SCAF1: variants seen among roughly 807,000 people sequenced by gnomAD.
SCAF1 encodes the protein splicing factor, arginine/serine-rich 19.
Under a neutral mutation model 91.2 loss-of-function variants are expected in SCAF1, and 28 were observed. That is an observed-to-expected ratio of 0.31 (90% CI 0.23 to 0.42). SCAF1 has a LOEUF of 0.42. Ranked by LOEUF, SCAF1 falls within the 10% of genes least tolerant of loss-of-function variation. SCAF1 has a pLI of 1.00. For missense variants in SCAF1, 1,893 were observed against 1,872.1 expected (o/e 1.01, Z -0.21); for synonymous variants, 1,036 against 833.7 (o/e 1.24, Z -4.18).
chr19:49,658,279 C>T lies in SCAF1; in HGVS notation c.3819C>T (p.Arg1273=), dbSNP rs773776916. Residue 1273 remains arginine, a synonymous_variant, in exon 11 of 11, where the codon CGC becomes CGT. Coordinates refer to ENST00000360565, the MANE Select transcript of SCAF1 (RefSeq NM_021228.3). ...ACCTGGTGCGGGCCTACGTCCAGCG[C>T]TACCGCTACTTCCGCAAGCACGGTC... ...VSNLVRAYVQ[R]YRYFRKHGRK... is the part of the protein sequence containing the mutation. The T allele has an allele frequency of 3.7e-6, 6 of 1,613,252 alleles. No homozygotes were observed. Among genetic ancestry groups the T allele is most frequent in the Middle Eastern group, 1.7e-4 (1 of 6,058 alleles).
chr19:49,651,791 C>T lies in SCAF1; in HGVS notation c.1402C>T (p.Pro468Ser). The change falls in exon 7 of 11, where the codon CCC becomes TCC. Residue 468 changes from proline to serine, a missense_variant. By Grantham distance (74) the Pro-to-Ser change is moderately conservative. Around this residue, in one of 5 missense-constraint regions of SCAF1, gnomAD observed 1,436 missense variants for 1,306.8 expected, o/e 1.10. Transcript: ENST00000360565. ...ALQVDLGEPAPAPPAADSRWG... is the reference protein window; with the variant it reads ...ALQVDLGEPASAPPAADSRWG... The stretch of plus-strand genomic sequence containing the variant: ...GCAGGTGGACCTAGGGGAGCCGGCT[C>T]CCGCGCCGCCCGCCGCCGACTCGCG... 1.6e-6 allele frequency: 2 copies of T among 1,276,998 alleles called. No individual in the cohort carries two copies. The highest frequency in any genetic ancestry group is 2.0e-6 in the Non-Finnish European group (2 of 1,013,146). 79.1% of individuals were successfully genotyped at this position (1,276,998 alleles called of 1,614,324 possible).
intron 8 of SCAF1, 105 bp downstream of exon 8, chr19:49,654,536 T>C (rs1329240745): frequency 1.0e-5 from 14 of 1,369,756 alleles, no homozygotes; most frequent in Middle Eastern, 3.7e-4. Context: ...GGTATCGGCC[T>C]GAAGAGGAGC....
In SCAF1 at chr19:49,653,538, C is replaced by T; in HGVS notation, c.3149C>T (p.Thr1050Ile). ...CCTGCTACCACCACGGCCACCAGCA[C>T]TGCTGCAGCCGCCCCAAGCACTGCC... ...QQPATTTATS[T>I]AAAAPSTAPS... The change falls in exon 7 of 11, where the codon ACT (threonine) becomes ATT (isoleucine). Residue 1050 changes from threonine to isoleucine, a missense_variant. By Grantham distance (89) the Thr-to-Ile change is moderately conservative (BLOSUM62 -1). Around this residue, in one of 5 missense-constraint regions of SCAF1, gnomAD observed 1,436 missense variants for 1,306.8 expected, o/e 1.10. Transcript: ENST00000360565. The T allele has an allele frequency of 1.3e-6, 2 of 1,580,774 alleles. No homozygotes were observed. The highest frequency in any genetic ancestry group is 1.7e-4 in the Middle Eastern group (1 of 5,754).
chr19:49,641,962 T>C (rs1277920731), upstream of SCAF1, among the ~76,000 whole-genome samples: 1 of 152,200 alleles, frequency 6.6e-6, no homozygotes, highest in Non-Finnish European at 1.5e-5. Flanking sequence ...CCCCGCCCAC[T>C]TCACCTCTCA....
At chr19:49,642,101 C>T (rs1185056837), upstream of SCAF1, 2 of 152,266 alleles carry the variant, frequency 1.3e-5, no homozygotes, top group Non-Finnish European at 2.9e-5. This position sits in a 1 kb window ranked among gnomAD's most constrained non-coding sequence, Gnocchi z 4.0. Context: ...TCCCGCCGGC[C>T]TTCACGTCGC....
In SCAF1 at chr19:49,646,654, GA is replaced by G; in HGVS notation, c.362+29del. The G allele has an allele frequency of 6.2e-7, 1 of 1,613,370 alleles. No homozygotes were observed. Among genetic ancestry groups the G allele is most frequent in the African/African-American group, 1.3e-5 (1 of 75,018 alleles). The stretch of plus-strand genomic sequence containing the variant: ...GAGTAGCTGGGCAGCTGGAGTGGGA[GA>G]GGCCTCAGCGTGAGAGCCAGAAGCA... On this transcript the variant is annotated intron_variant, in intron 5 of 10. Transcript: ENST00000360565. The surrounding 1 kb of genome is among the most constrained non-coding windows in gnomAD (Gnocchi z 5.6).
At chr19:49,650,429 C>A (rs73934025) in intron 6 of SCAF1, among the ~76,000 whole-genome samples, 17,514 of 152,172 alleles carry the variant, frequency 0.12, 1,145 homozygotes, top group African/African-American at 0.18. Context: ...CTTCTCCCCC[C>A]AGGATGGAGT....
chr19:49,650,260 T>C (rs999592191), intron 6 of SCAF1, among the ~76,000 whole-genome samples: 2 of 152,158 alleles, frequency 1.3e-5, no homozygotes, highest in African/African-American at 4.8e-5. Context: ...GCTCCCCAGC[T>C]CTGCCATTTC....
intron 8 of SCAF1, 107 bp from the exon 9 acceptor site, chr19:49,654,545 G>T: frequency 7.4e-7 from 1 of 1,349,802 alleles, no homozygotes. Context: ...CTGAAGAGGA[G>T]CCTGTTGCCT....
chr19:49,651,259 G>A lies in SCAF1; in HGVS notation c.870G>A (p.Leu290=). The A allele has an allele frequency of 6.2e-7, 1 of 1,612,230 alleles. No individual in the cohort carries two copies. The highest frequency in any genetic ancestry group is 8.5e-7 in the Non-Finnish European group (1 of 1,179,768). The change falls in exon 7 of 11, where the codon CTG becomes CTA. Residue 290 remains leucine, a synonymous_variant. Transcript: ENST00000360565. ...EEEDEEEEEG[L]SQSISRISET... is the part of the protein sequence containing the mutation. ...AAGACGAGGAGGAGGAGGAAGGCCT[G>A]TCCCAGAGCATCAGCCGCATCTCGG...
chr19:49,651,906 C>CG lies in SCAF1; in HGVS notation c.1517_1518insG (p.Ala508GlyfsTer145). The CG allele has an allele frequency of 8.7e-7, 1 of 1,155,558 alleles. No homozygotes were observed. The highest frequency in any genetic ancestry group is 1.1e-6 in the Non-Finnish European group (1 of 935,226). The allele number at this position is 1,155,558 out of a possible 1,614,324, so 71.6% of individuals were successfully genotyped here. ...TCGCCCTCCCCGGCGCCCGCGCCCG[C>CG]CCCGGCCGCCGCTGCTGGTCCGCCC... On this transcript the variant is annotated frameshift_variant, in exon 7 of 11. Coordinates refer to ENST00000360565, the MANE Select transcript of SCAF1 (RefSeq NM_021228.3). LOFTEE classifies it high-confidence loss of function.
At position 49,652,235 on chromosome 19, in the gene SCAF1, C is replaced by A; in HGVS notation, c.1846C>A (p.Pro616Thr). The A allele has an allele frequency of 7.2e-7, 1 of 1,393,218 alleles. No homozygotes were observed. The highest frequency in any genetic ancestry group is 9.3e-7 in the Non-Finnish European group (1 of 1,077,846). The allele number at this position is 1,393,218 out of a possible 1,614,324, so 86.3% of individuals were successfully genotyped here. ...ACGGCGGCGGCGCTCCGCCTCCCCG[C>A]CCCCGGCCACTTCCTCATCGTCGTC... ...RRRRRRSASP[P>T]PATSSSSSSR... Residue 616 changes from proline to threonine, a missense_variant, in exon 7 of 11, where the codon CCC (proline) becomes ACC (threonine). Physicochemically the swap from Pro to Thr is conservative, Grantham distance 38. Around this residue, in one of 5 missense-constraint regions of SCAF1, gnomAD observed 1,436 missense variants for 1,306.8 expected, o/e 1.10. Coordinates refer to ENST00000360565, the MANE Select transcript of SCAF1 (RefSeq NM_021228.3).
intron 1 of SCAF1, 199 bp from the exon 2 acceptor site, chr19:49,644,822 C>T (rs2081045274): frequency 4.2e-6 from 2 of 480,160 alleles, no homozygotes; most frequent in East Asian, 3.6e-5. Context: ...GAGAATTGCT[C>T]CTAGTCCCTG....
Position 49,654,713 on chromosome 19 carries a change from C to T in SCAF1, c.3461C>T (p.Ser1154Phe). 1 of 1,614,146 alleles carries T rather than the reference C, an allele frequency of 6.2e-7. No individual in the cohort carries two copies. ...LGMTPAPVPT[S>F]LGLPPGPSSY... Reference sequence around the variant, plus strand: ...ATGACCCCAGCTCCTGTGCCCACCTCTTTGGGTCTGCCCCCTGGCCCCTCC... The same window carrying T: ...ATGACCCCAGCTCCTGTGCCCACCTTTTTGGGTCTGCCCCCTGGCCCCTCC... Residue 1154 changes from serine to phenylalanine, a missense_variant, in exon 9 of 11, where the codon TCT (serine) becomes TTT (phenylalanine). By Grantham distance (155) the Ser-to-Phe change is radical. Around this residue, in one of 5 missense-constraint regions of SCAF1, gnomAD observed 1,436 missense variants for 1,306.8 expected, o/e 1.10. Transcript: ENST00000360565.
chr19:49,654,517 C>T lies in SCAF1; in HGVS notation c.3399+86C>T, dbSNP rs367731766. ...GAGAGGAACCGCGGGCCTGGCAGCT[C>T]TGGGGCAAGGTATCGGCCTGAAGAG... On this transcript the variant is annotated intron_variant, in intron 8 of 10. Coordinates refer to ENST00000360565, the MANE Select transcript of SCAF1 (RefSeq NM_021228.3). 15 of 1,433,906 alleles carry T rather than the reference C, an allele frequency of 1.0e-5. No individual in the cohort carries two copies. In the African/African-American group the frequency reaches 1.3e-4, roughly 12 times the overall value. 88.8% of individuals were successfully genotyped at this position (1,433,906 alleles called of 1,614,324 possible).
In SCAF1 at chr19:49,653,318, C is replaced by G; in HGVS notation, c.2929C>G (p.Pro977Ala). The change falls in exon 7 of 11, where the codon CCG becomes GCG. Residue 977 changes from proline (P) to alanine (A), a missense_variant. By Grantham distance (27) the Pro-to-Ala change is conservative. This residue lies in a region of SCAF1 where 1,436 missense variants were observed against 1,306.8 expected (regional missense o/e 1.10). Coordinates refer to ENST00000360565, the MANE Select transcript of SCAF1 (RefSeq NM_021228.3). ...EERAAKVPSTPPPKAAPPPPA... is the reference protein window; with the variant it reads ...EERAAKVPSTAPPKAAPPPPA... ...GCGGGCAGCCAAGGTTCCTAGCACC[C>G]CGCCCCCCAAGGCAGCCCCACCACC... 6.8e-7 allele frequency: 1 copy of G among 1,467,288 alleles called. No individual in the cohort carries two copies. Among genetic ancestry groups the G allele is most frequent in the South Asian group, 1.4e-5 (1 of 70,026 alleles). The allele number at this position is 1,467,288 out of a possible 1,614,324, so 90.9% of individuals were successfully genotyped here.
Position 49,646,102 on chromosome 19 carries a change from C to T in SCAF1, c.167-6C>T. On this transcript the variant is annotated splice_region_variant and splice_polypyrimidine_tract_variant and intron_variant, in intron 3 of 10. Coordinates refer to ENST00000360565, the MANE Select transcript of SCAF1 (RefSeq NM_021228.3). The surrounding 1 kb of genome is among the most constrained non-coding windows in gnomAD (Gnocchi z 5.6). The stretch of plus-strand genomic sequence containing the variant: ...TGTCCAATCCCCCATGCAAATCTCT[C>T]ACCAGATGGCTCTCGGTGTCATGGC... The T allele has an allele frequency of 1.9e-6, 3 of 1,611,846 alleles. No homozygotes were observed. Among genetic ancestry groups the T allele is most frequent in the South Asian group, 2.2e-5 (2 of 91,068 alleles).
chr19:49,652,995 A>G lies in SCAF1; in HGVS notation c.2606A>G (p.Asp869Gly). 1 of 1,613,958 alleles carries G rather than the reference A, an allele frequency of 6.2e-7. No individual in the cohort carries two copies. Among genetic ancestry groups the G allele is most frequent in the Non-Finnish European group, 8.5e-7 (1 of 1,180,028 alleles). ...LGSIGVKFSRDRESRSPFLKP... is the reference protein window; with the variant it reads ...LGSIGVKFSRGRESRSPFLKP... ...TCCATTGGCGTCAAATTCAGCCGTG[A>G]CCGCGAGAGTCGCTCCCCCTTCCTC... is the stretch of plus-strand genomic sequence containing the variant. Residue 869 changes from aspartate to glycine, a missense_variant, in exon 7 of 11, where the codon GAC (aspartate) becomes GGC (glycine). Physicochemically the swap from Asp to Gly is moderately conservative, Grantham distance 94 (BLOSUM62 -1). Transcript: ENST00000360565.
rs766541717 is a variant in SCAF1 at position 49,652,421 on chromosome 19, C to T, written c.2032C>T (p.Arg678Cys). The change falls in exon 7 of 11, where the codon CGC (arginine) becomes TGC (cysteine). Residue 678 changes from arginine to cysteine, a missense_variant. Arg to Cys is a radical substitution (Grantham distance 180). Coordinates refer to ENST00000360565, the MANE Select transcript of SCAF1 (RefSeq NM_021228.3). ...CTCTGGCTCCACCTCGTGTGGTGAC[C>T]GCGACAGCCGCCGCCGGGGGGCCGT... ...PPSGSTSCGD[R>C]DSRRRGAVPP... 3.1e-6 allele frequency: 5 copies of T among 1,595,716 alleles called. No homozygotes were observed. Among genetic ancestry groups the T allele is most frequent in the African/African-American group, 2.7e-5 (2 of 74,582 alleles).
Sources: allele counts gnomAD v4.1 joint callset (sites outside exome capture counted in the v4.1 genomes callset), GRCh38; gene constraint gnomAD v4.1.1; regional missense constraint gnomAD v4.1.1; non-coding constraint Gnocchi (gnomAD v3.1); transcripts MANE v1.5; gene names NCBI Gene and HGNC (gene_info 2026-07-23, HGNC 2026-07-21).